The following DZIP1L variants were observed in gnomAD, a reference collection of about 807,000 sequenced individuals.
DZIP1L encodes the protein cilium assembly protein DZIP1L.
Under a neutral mutation model 88.7 loss-of-function variants are expected in DZIP1L, and 90 were observed. The ratio of observed to expected loss-of-function variants is 1.02; its 90% CI spans 0.86 to 1.21. DZIP1L has a LOEUF of 1.21. Ranked by LOEUF, DZIP1L falls within the 50% of genes most tolerant of loss-of-function variation. DZIP1L has a pLI of 0.00. For missense variants in DZIP1L, 932 were observed against 955.8 expected (o/e 0.98, Z 0.33); for synonymous variants, 363 against 372.1 (o/e 0.98, Z 0.28).
intron 14 of DZIP1L, among the ~76,000 whole-genome samples, chr3:138,065,054 G>A (rs533835063): frequency 2.0e-5 from 3 of 152,376 alleles, no homozygotes; most frequent in African/African-American, 7.2e-5. Context: ...GGCTGAGGCA[G>A]GACCTCTGCT....
At position 138,102,821 on chromosome 3, in the gene DZIP1L, T is replaced by G. The variant is rs2042362304; in HGVS notation, c.501+650A>C. ...ACTCAGGAGAAGCTCAAGGAGCTGATGCCAGCACTGGGCCCACTCATGTAG... is the reference window on the plus strand; with the variant it reads ...ACTCAGGAGAAGCTCAAGGAGCTGAGGCCAGCACTGGGCCCACTCATGTAG... On this transcript the variant is annotated intron_variant, in intron 2 of 15. Coordinates refer to ENST00000327532, the MANE Select transcript of DZIP1L (RefSeq NM_173543.3). The G allele has an allele frequency of 6.9e-6, 5 of 729,094 alleles. No individual in the cohort carries two copies. The Admixed American group carries it at 7.6e-5, about 11-fold the overall frequency. 45.2% of individuals were successfully genotyped at this position (729,094 alleles called of 1,614,324 possible). A position where few individuals can be genotyped will look rare whatever the true frequency, so the allele number is the denominator to read the frequency against.
At chr3:138,101,390 T>C in intron 2 of DZIP1L, 1 of 684,364 alleles carries the variant, frequency 1.5e-6, no homozygotes, top group Non-Finnish European at 2.6e-6. Flanking sequence ...GGTCTCCCGT[T>C]CCCTGTGCTA....
chr3:138,071,897 C>A, intron 11 of DZIP1L, 62 bp from the exon 12 acceptor site: 1 of 1,474,138 alleles, frequency 6.8e-7, no homozygotes, highest in Admixed American at 2.1e-5. Flanking sequence ...TTCCCCTAAG[C>A]CTCTCACACC....
chr3:138,101,041 C>T (rs2042289544), intron 2 of DZIP1L, among the ~76,000 whole-genome samples: 1 of 152,112 alleles, frequency 6.6e-6, no homozygotes, highest in Non-Finnish European at 1.5e-5. Flanking sequence ...CACTCCTCTA[C>T]ATACACATAC....
At chr3:138,088,666 G>T in intron 5 of DZIP1L, 159 bp from the exon 6 acceptor site, 1 of 1,286,220 alleles carries the variant, frequency 7.8e-7, no homozygotes, top group Non-Finnish European at 9.8e-7. Flanking sequence ...ACACAAATCA[G>T]CATTCCCTTC....
chr3:138,087,066 T>G, intron 6 of DZIP1L, 43 bp from the exon 7 acceptor site: 1 of 1,584,832 alleles, frequency 6.3e-7, no homozygotes, highest in Non-Finnish European at 8.7e-7. Context: ...CTTGCAGGTA[T>G]TAAAACATGT....
intron 2 of DZIP1L, chr3:138,101,504 C>T (rs2042311027): frequency 3.8e-6 from 3 of 781,318 alleles, no homozygotes; most frequent in Admixed American, 3.5e-5. Flanking sequence ...TCAGAGGACT[C>T]GGACACCAGC....
At chr3:138,090,402 G>A (rs771539549) in intron 5 of DZIP1L, among the ~76,000 whole-genome samples, 1 of 152,170 alleles carries the variant, frequency 6.6e-6, no homozygotes, top group Non-Finnish European at 1.5e-5. Context: ...GGGGAAGTGT[G>A]GGGGTCAGGA....
At chr3:138,077,273 C>A (rs1316247367) in intron 11 of DZIP1L, among the ~76,000 whole-genome samples, 1 of 152,168 alleles carries the variant, frequency 6.6e-6, no homozygotes, top group Non-Finnish European at 1.5e-5. Flanking sequence ...GTAGTATCGC[C>A]AGCCAAATAG....
At chr3:138,084,911 A>C (rs1188817862) in intron 7 of DZIP1L, among the ~76,000 whole-genome samples, 1 of 152,168 alleles carries the variant, frequency 6.6e-6, no homozygotes, top group African/African-American at 2.4e-5. Flanking sequence ...TGTTTTTCTC[A>C]GGTTTGTCAA....
intron 5 of DZIP1L, among the ~76,000 whole-genome samples, chr3:138,089,416 G>A (rs1032004052): frequency 2.0e-5 from 3 of 152,276 alleles, no homozygotes; most frequent in Non-Finnish European, 2.9e-5. Context: ...TTTCCATTTA[G>A]CTAGACACTC....
rs1382176010 is a variant in DZIP1L, at chr3:138,092,406, T to C, written c.847A>G (p.Lys283Glu). ...LFWDEFKNVA[K>E]QNSTLEEKLR... ...ACCTCTTCTAGTGTAGAGTTCTGCT[T>C]GGCGACATTTTTAAATTCATCCCAA... Residue 283 changes from lysine (K) to glutamate (E), a missense_variant, in exon 5 of 16, where the codon AAG (lysine) becomes GAG (glutamate). Coordinates refer to ENST00000327532, the MANE Select transcript of DZIP1L (RefSeq NM_173543.3). The C allele has an allele frequency of 1.2e-6, 2 of 1,600,732 alleles. No individual in the cohort carries two copies. The highest frequency in any genetic ancestry group is 1.7e-6 in the Non-Finnish European group (2 of 1,175,196).
Position 138,103,539 on chromosome 3 carries a change from G to T in DZIP1L, c.433C>A (p.Arg145=). 6.2e-7 allele frequency: 1 copy of T among 1,610,644 alleles called. No homozygotes were observed. ...ELKGVREESR[R]RRKMISTLQQ... ...AGGGTGCTGATCATCTTGCGACGCC[G>T]GCGGCTCTCCTCCCGCACACCCTTG... The change falls in exon 2 of 16, where the codon CGG becomes AGG. Residue 145 remains arginine, a synonymous_variant. Coordinates refer to ENST00000327532, the MANE Select transcript of DZIP1L (RefSeq NM_173543.3).
At chr3:138,109,344 C>T (rs2042578012) in intron 1 of DZIP1L, among the ~76,000 whole-genome samples, 1 of 152,182 alleles carries the variant, frequency 6.6e-6, no homozygotes, top group Non-Finnish European at 1.5e-5. Flanking sequence ...GAAGCTTGCC[C>T]AAGATCCAGA....
At chr3:138,100,099 T>G (rs1044676301) in intron 2 of DZIP1L, among the ~76,000 whole-genome samples, 7 of 150,964 alleles carry the variant, frequency 4.6e-5, no homozygotes, top group Non-Finnish European at 8.9e-5. Flanking sequence ...CCCCCCAGGA[T>G]GGGGGTTGGT....
chr3:138,105,792 T>C (rs1265368665), intron 1 of DZIP1L, among the ~76,000 whole-genome samples: 3 of 152,164 alleles, frequency 2.0e-5, no homozygotes, highest in African/African-American at 7.2e-5. Context: ...AGTTTTATAA[T>C]GAATAAAATA....
intron 6 of DZIP1L, among the ~76,000 whole-genome samples, chr3:138,087,375 C>CA (rs1219270046): frequency 1.3e-5 from 2 of 152,178 alleles, no homozygotes; most frequent in African/African-American, 4.8e-5. Context: ...TTTTAAATCT[C>CA]AGAGTGGGGA....
intron 2 of DZIP1L, chr3:138,102,075 A>C (rs1395329360): frequency 6.8e-7 from 1 of 1,481,122 alleles, no homozygotes; most frequent in Non-Finnish European, 9.4e-7. Flanking sequence ...GATCTGGTAC[A>C]TGCTCTCAGC....
intron 11 of DZIP1L, among the ~76,000 whole-genome samples, chr3:138,072,132 T>C (rs1425339713): frequency 6.6e-6 from 1 of 152,210 alleles, no homozygotes; most frequent in Non-Finnish European, 1.5e-5. Context: ...CGTTGGAACA[T>C]GCTTTTCTAC....
Sources: gnomAD v4.1 joint callset for allele counts (sites outside exome capture counted in the v4.1 genomes callset) on GRCh38, gnomAD v4.1.1 for gene constraint, MANE v1.5 for transcripts, NCBI Gene and HGNC (gene_info 2026-07-23, HGNC 2026-07-21) for gene names.